SYNJ2: variants seen among roughly 807,000 people sequenced by gnomAD.
The protein encoded by SYNJ2 is polyphosphatidylinositol phosphatase SYNJ2.
SYNJ2 carries 116 observed loss-of-function variants against 141.3 expected under a neutral mutation model. The ratio of observed to expected loss-of-function variants is 0.82; its 90% CI spans 0.71 to 0.96. The LOEUF (loss-of-function observed/expected upper bound fraction) is 0.96. SYNJ2 is among the 40% of genes least tolerant of loss of function. The pLI, the probability that SYNJ2 is intolerant of heterozygous loss-of-function variation, is 0.00. For synonymous variants in SYNJ2, 745 were observed against 777.7 expected (o/e 0.96, Z 0.70); for missense variants, 1,873 against 1,934.8 (o/e 0.97, Z 0.60).
rs112697821 is a variant in SYNJ2 at position 158,039,205 on chromosome 6, T to C, written c.712-4111T>C. The stretch of plus-strand genomic sequence containing the variant: ...TGTCACTTTATAGCAGTACTGATGC[T>C]TAGGTTGATCTAAGTTCGTTTTTAA... On this transcript the variant is annotated intron_variant, in intron 4 of 26. Transcript: ENST00000355585. 3.0e-3 allele frequency among the ~76,000 whole-genome samples: 457 copies of C among 152,364 alleles called. 2 individuals are homozygous for C. The highest frequency in any genetic ancestry group is 0.01 in the African/African-American group (428 of 41,588).
intron 6 of SYNJ2, 26 bp downstream of exon 6, chr6:158,055,054 GCCTGTCATTGTCATC>G (rs1780790308): frequency 6.2e-7 from 1 of 1,612,014 alleles, no homozygotes; most frequent in African/African-American, 1.3e-5. Context: ...CACCATCCAA[GCCTGTCATTGTCATC>G]CTTAGACATC....
rs924149028 is a variant in SYNJ2, at chr6:158,040,368, G to A, written c.712-2948G>A. 1.3e-5 allele frequency among the ~76,000 whole-genome samples: 2 copies of A among 152,124 alleles called. No homozygotes were observed. Among genetic ancestry groups the A allele is most frequent in the African/African-American group, 4.8e-5 (2 of 41,410 alleles). ...CATGTGTGGGTTGTGTATGTGTTGT[G>A]TGTCTGCACGCACAGATGTTGTGTA... On this transcript the variant is annotated intron_variant, in intron 4 of 26. Transcript: ENST00000355585. This position sits in a 1 kb window ranked among gnomAD's most constrained non-coding sequence, Gnocchi z 4.2.
intron 6 of SYNJ2, among the ~76,000 whole-genome samples, chr6:158,057,843 C>T (rs1005629185): frequency 4.6e-5 from 7 of 152,326 alleles, no homozygotes; most frequent in African/African-American, 1.7e-4. Flanking sequence ...GGCAGACCGA[C>T]CCAAAAGAAA....
At chr6:158,062,856 C>G (rs1314570428) in intron 8 of SYNJ2, among the ~76,000 whole-genome samples, 2 of 152,032 alleles carry the variant, frequency 1.3e-5, no homozygotes, top group Non-Finnish European at 1.5e-5. Flanking sequence ...GTTAGGGGCC[C>G]CCCTTTGTTC....
intron 5 of SYNJ2, among the ~76,000 whole-genome samples, chr6:158,046,238 G>T (rs748678235): frequency 2.0e-5 from 3 of 151,888 alleles, no homozygotes; most frequent in Admixed American, 6.6e-5. Context: ...GAGCCATCGC[G>T]CCCGGCCTCC....
chr6:158,031,932 G>A (rs1305378459), intron 3 of SYNJ2, among the ~76,000 whole-genome samples: 1 of 152,224 alleles, frequency 6.6e-6, no homozygotes, highest in Non-Finnish European at 1.5e-5. Flanking sequence ...GGCAGACTCT[G>A]AAATATTCTG....
In SYNJ2 at chr6:158,062,145, G is replaced by C. The variant is rs370643062; in HGVS notation, c.1108G>C (p.Gly370Arg). Residue 370 changes from glycine (G) to arginine (R), a missense_variant, in exon 8 of 27, where the codon GGG becomes CGG. Gly to Arg is a moderately radical substitution (Grantham distance 125). Transcript: ENST00000355585. ...HWEDFDVFTK[G>R]ENVSPRFQKG... ...GGAAGACTTCGATGTGTTCACAAAG[G>C]GGGAGAACGTCAGTCCACGGTGAGG... 1.9e-5 allele frequency: 30 copies of C among 1,613,658 alleles called. No homozygotes were observed. Among genetic ancestry groups the C allele is most frequent in the East Asian group, 4.5e-5 (2 of 44,874 alleles).
intron 1 of SYNJ2, among the ~76,000 whole-genome samples, chr6:157,999,185 A>G (rs908037960): frequency 1.3e-5 from 2 of 152,248 alleles, no homozygotes; most frequent in African/African-American, 2.4e-5. Context: ...GGCCAAAACA[A>G]TGGAGCCAGT....
intron 24 of SYNJ2, among the ~76,000 whole-genome samples, chr6:158,089,494 A>G (rs1344215644): frequency 6.6e-6 from 1 of 152,196 alleles, no homozygotes; most frequent in Non-Finnish European, 1.5e-5. Context: ...CTTTTAAGGA[A>G]GGTATTTTAA....
Position 157,981,955 on chromosome 6 carries a change from G to C in SYNJ2, c.-7G>C. 1 of 1,231,696 alleles carries C rather than the reference G, an allele frequency of 8.1e-7. No individual in the cohort carries two copies. Among genetic ancestry groups the C allele is most frequent in the Non-Finnish European group, 1.0e-6 (1 of 987,198 alleles). The allele number at this position is 1,231,696 out of a possible 1,614,324, so 76.3% of individuals were successfully genotyped here. On this transcript the variant is annotated 5_prime_UTR_variant, in exon 1 of 27. Transcript: ENST00000355585. The surrounding 1 kb of genome is among the most constrained non-coding windows in gnomAD (Gnocchi z 6.4). ...CCCGGCCCCCGCCCGCAGTGGGCCC[G>C]ACCCTCATGGCCCTGAGCAAAGGGC...
intron 6 of SYNJ2, among the ~76,000 whole-genome samples, chr6:158,055,989 T>C (rs1780847621): frequency 6.6e-6 from 1 of 152,188 alleles, no homozygotes; most frequent in Admixed American, 6.5e-5. Flanking sequence ...TAGGAAATAG[T>C]GAACATGAAA....
intron 6 of SYNJ2, among the ~76,000 whole-genome samples, chr6:158,056,622 G>T (rs1780884738): frequency 6.6e-6 from 1 of 152,184 alleles, no homozygotes; most frequent in Non-Finnish European, 1.5e-5. Context: ...CACCATGAGG[G>T]TCCCCCTGAA....
In SYNJ2 at chr6:158,033,678, C is replaced by A. The variant is rs1779491957; in HGVS notation, c.709C>A (p.Gln237Lys). The A allele has an allele frequency of 1.2e-6, 2 of 1,604,644 alleles. No homozygotes were observed. The highest frequency in any genetic ancestry group is 1.7e-6 in the Non-Finnish European group (2 of 1,176,482). ...GHVSNFVETE[Q>K]MIYMDDGVSS... ...TGTGTCCAACTTCGTGGAGACAGAG[C>A]AGGTGAGTGCCCAGGCCCATCTGTG... The change falls in exon 4 of 27, where the codon CAG (glutamine) becomes AAG (lysine). Residue 237 changes from glutamine (Q) to lysine (K), a missense_variant and splice_region_variant. Gln to Lys is a moderately conservative substitution (Grantham distance 53). Coordinates refer to ENST00000355585, the MANE Select transcript of SYNJ2 (RefSeq NM_003898.4).
In SYNJ2 at chr6:158,068,034, C is replaced by A. The variant is rs1387984644; in HGVS notation, c.1718-613C>A. 13 of 969,234 alleles carry A rather than the reference C, an allele frequency of 1.3e-5. No individual in the cohort carries two copies. In the Admixed American group the frequency reaches 8.1e-4, roughly 60 times the overall value. The allele number at this position is 969,234 out of a possible 1,614,324, so 60.0% of individuals were successfully genotyped here. On this transcript the variant is annotated intron_variant, in intron 12 of 26. Coordinates refer to ENST00000355585, the MANE Select transcript of SYNJ2 (RefSeq NM_003898.4). ...TTTTTTTGGGGTAGACACTAGCAGG[C>A]TCCCCAGCAGTCCCACTAGAGATAC...
chr6:158,094,236 G>C (rs1026658764), intron 26 of SYNJ2: 4 of 448,008 alleles, frequency 8.9e-6, no homozygotes, highest in Non-Finnish European at 1.6e-5. Flanking sequence ...TCCCTGTTCA[G>C]ATGCTCCTCG....
Position 158,028,890 on chromosome 6 carries a change from C to T in SYNJ2, c.349C>T (p.Leu117Phe). 1.2e-6 allele frequency: 2 copies of T among 1,614,180 alleles called. No homozygotes were observed. The highest frequency in any genetic ancestry group is 3.3e-5 in the Admixed American group (2 of 60,024). Residue 117 changes from leucine (L) to phenylalanine (F), a missense_variant, in exon 3 of 27, where the codon CTC becomes TTC. Transcript: ENST00000355585. ...LQEEAKEEER[L>F]IALKKILSSG... ...GGAAGAGGCCAAGGAGGAGGAACGCCTCATAGCTTTGAAGAAAATCCTCAG... is the reference window on the plus strand; with the variant it reads ...GGAAGAGGCCAAGGAGGAGGAACGCTTCATAGCTTTGAAGAAAATCCTCAG...
chr6:158,033,809 A>C, intron 4 of SYNJ2, 129 bp downstream of exon 4: 6 of 908,922 alleles, frequency 6.6e-6, no homozygotes, highest in Non-Finnish European at 9.8e-6. Context: ...GCTTCCTCCT[A>C]TAAGTGGAGA....
At chr6:158,052,132 T>C (rs1562359854) in intron 5 of SYNJ2, among the ~76,000 whole-genome samples, 1 of 152,222 alleles carries the variant, frequency 6.6e-6, no homozygotes, top group Non-Finnish European at 1.5e-5. Flanking sequence ...TGAAGCATGA[T>C]AATAGCTGCA....
chr6:158,083,406 G>C (rs959604472), intron 20 of SYNJ2, 23 bp from the exon 21 acceptor site: 1 of 1,607,558 alleles, frequency 6.2e-7, no homozygotes, highest in Non-Finnish European at 8.5e-7. Flanking sequence ...ATTTATTCCT[G>C]GGTGGCCGCT....
Sources: allele counts gnomAD v4.1 joint callset (sites outside exome capture counted in the v4.1 genomes callset), GRCh38; gene constraint gnomAD v4.1.1; non-coding constraint Gnocchi (gnomAD v3.1); transcripts MANE v1.5; gene names NCBI Gene and HGNC (gene_info 2026-07-23, HGNC 2026-07-21).